Variants in IGFBP7 observed in about 807,000 individuals in gnomAD.
IGFBP7 encodes insulin like growth factor binding protein 7.
Under a neutral mutation model 29.4 loss-of-function variants are expected in IGFBP7, and 31 were observed. That is an observed-to-expected ratio of 1.05 (90% CI 0.79 to 1.42). The LOEUF is 1.42. Among genes scored for constraint, IGFBP7 ranks in the 40% most tolerant of loss-of-function variants. The pLI, the probability that IGFBP7 is intolerant of heterozygous loss-of-function variation, is 0.00. For synonymous variants in IGFBP7, 172 were observed against 174.9 expected (o/e 0.98, Z 0.13); for missense variants, 393 against 395.5 (o/e 0.99, Z 0.05).
At chr4:57,065,175 G>A (rs1277293) in intron 1 of IGFBP7, among the ~76,000 whole-genome samples, 99,598 of 152,158 alleles carry the variant, frequency 0.65, 32,840 homozygotes, top group Middle Eastern at 0.73. Flanking sequence ...CCCACGCCAG[G>A]AGGCGGTCAA....
chr4:57,036,110 G>A (rs12642622), intron 2 of IGFBP7, among the ~76,000 whole-genome samples: 19,369 of 152,144 alleles, frequency 0.13, 1,574 homozygotes, highest in East Asian at 0.39. Flanking sequence ...GGAATATTAC[G>A]TAGCTGTTGA....
chr4:57,036,249 G>C (rs1470760840), intron 2 of IGFBP7, among the ~76,000 whole-genome samples: 2 of 152,186 alleles, frequency 1.3e-5, no homozygotes, highest in Non-Finnish European at 2.9e-5. Flanking sequence ...ATATGAAAAA[G>C]AGTGTGGAAA....
chr4:57,107,977 A>G (rs1050029968), intron 1 of IGFBP7, among the ~76,000 whole-genome samples: 3 of 152,254 alleles, frequency 2.0e-5, no homozygotes, highest in Admixed American at 6.5e-5. Context: ...CTGCTCTGAT[A>G]AGGCAAGTAT....
chr4:57,031,786 C>T (rs1247376800), intron 4 of IGFBP7, among the ~76,000 whole-genome samples: 1 of 152,166 alleles, frequency 6.6e-6, no homozygotes, highest in East Asian at 1.9e-4. Context: ...TACTTCTTTA[C>T]TTAATATTTC....
chr4:57,086,093 C>T (rs544820173), intron 1 of IGFBP7, among the ~76,000 whole-genome samples: 1 of 152,116 alleles, frequency 6.6e-6, no homozygotes, highest in African/African-American at 2.4e-5. Context: ...GGAGGCCTCA[C>T]AATCATGGTG....
At chr4:57,053,758 C>T (rs1043028853) in intron 1 of IGFBP7, among the ~76,000 whole-genome samples, 2 of 152,090 alleles carry the variant, frequency 1.3e-5, no homozygotes, top group East Asian at 1.9e-4. Flanking sequence ...AGTGCTTTCC[C>T]GAGACGAAAC....
intron 2 of IGFBP7, among the ~76,000 whole-genome samples, chr4:57,037,728 T>A (rs1724117110): frequency 6.6e-6 from 1 of 152,180 alleles, no homozygotes; most frequent in South Asian, 2.1e-4. Flanking sequence ...TTGCCAAGAT[T>A]TGCCAATAAG....
At chr4:57,078,148 A>G (rs1378788164) in intron 1 of IGFBP7, among the ~76,000 whole-genome samples, 1 of 152,090 alleles carries the variant, frequency 6.6e-6, no homozygotes, top group Non-Finnish European at 1.5e-5. Context: ...GGCCACGGTA[A>G]CAAAATCAAC....
chr4:57,053,758 C>G (rs1043028853), intron 1 of IGFBP7, among the ~76,000 whole-genome samples: 3 of 152,090 alleles, frequency 2.0e-5, no homozygotes, highest in Admixed American at 2.0e-4. Flanking sequence ...AGTGCTTTCC[C>G]GAGACGAAAC....
At chr4:57,036,855 C>G (rs939653159) in intron 2 of IGFBP7, among the ~76,000 whole-genome samples, 1 of 152,180 alleles carries the variant, frequency 6.6e-6, no homozygotes, top group African/African-American at 2.4e-5. Flanking sequence ...TTCTAATAAT[C>G]TATCCAAAAA....
intron 1 of IGFBP7, among the ~76,000 whole-genome samples, chr4:57,069,430 A>G (rs1013226262): frequency 6.6e-6 from 1 of 152,174 alleles, no homozygotes; most frequent in Admixed American, 6.5e-5. Context: ...TCTACAAAAA[A>G]TAAAACAAAA....
chr4:57,097,524 T>C (rs748334512), intron 1 of IGFBP7, among the ~76,000 whole-genome samples: 7 of 152,204 alleles, frequency 4.6e-5, no homozygotes, highest in Admixed American at 6.5e-5. Context: ...AAGTAGGACA[T>C]CAGCAAGGCA....
chr4:57,054,603 C>T (rs1021220850), intron 1 of IGFBP7, among the ~76,000 whole-genome samples: 1 of 143,018 alleles, frequency 7.0e-6, no homozygotes. Context: ...CACACCACGG[C>T]ACTCCAGCCT....
At chr4:57,060,234 G>T (rs999570300) in intron 1 of IGFBP7, among the ~76,000 whole-genome samples, 1 of 152,120 alleles carries the variant, frequency 6.6e-6, no homozygotes, top group Non-Finnish European at 1.5e-5. Context: ...GCTTGTTCTC[G>T]AGTCCAATAA....
chr4:57,044,891 G>A (rs949013873), intron 1 of IGFBP7, among the ~76,000 whole-genome samples: 3 of 152,038 alleles, frequency 2.0e-5, no homozygotes, highest in Non-Finnish European at 4.4e-5. Flanking sequence ...TTTTATTTTT[G>A]TAGAGACAGA....
At chr4:57,100,779 T>C (rs1413371018) in intron 1 of IGFBP7, among the ~76,000 whole-genome samples, 2 of 151,588 alleles carry the variant, frequency 1.3e-5, no homozygotes, top group African/African-American at 4.9e-5. Flanking sequence ...AAAAGAAAGA[T>C]AGCACAGAGA....
At chr4:57,040,457 T>G (rs1424724600) in intron 2 of IGFBP7, among the ~76,000 whole-genome samples, 1 of 152,100 alleles carries the variant, frequency 6.6e-6, no homozygotes, top group African/African-American at 2.4e-5. Context: ...AACGTACGCT[T>G]TTAACCCCTA....
chr4:57,083,192 G>C (rs1023003515), intron 1 of IGFBP7, among the ~76,000 whole-genome samples: 9 of 152,046 alleles, frequency 5.9e-5, no homozygotes, highest in Admixed American at 1.3e-4. Flanking sequence ...TGGGTCAAAG[G>C]GTATGAGAAT....
At chr4:57,044,879 A>G (rs1724320928) in intron 1 of IGFBP7, among the ~76,000 whole-genome samples, 2 of 151,970 alleles carry the variant, frequency 1.3e-5, no homozygotes, top group Non-Finnish European at 2.9e-5. Flanking sequence ...TTCTTTTTTT[A>G]TTTTTATTTT....
Sources: allele counts gnomAD v4.1 joint callset (sites outside exome capture counted in the v4.1 genomes callset), GRCh38; gene constraint gnomAD v4.1.1; transcripts MANE v1.5; gene names NCBI Gene and HGNC (gene_info 2026-07-23, HGNC 2026-07-21).